Variants in GABRG2 observed in about 807,000 individuals in gnomAD.
GABRG2 encodes the protein gamma-aminobutyric acid type A receptor subunit gamma2.
In GABRG2, 16 loss-of-function variants were observed where a neutral mutation model predicts 56.4. The observed-to-expected ratio is 0.28, with a 90% CI of 0.19 to 0.43. GABRG2 has a LOEUF of 0.43. Among genes scored for constraint, GABRG2 ranks in the 20% least tolerant of loss-of-function variants. The pLI is 1.00. For synonymous variants in GABRG2, 208 were observed against 205.5 expected (o/e 1.01, Z -0.10); for missense variants, 327 against 582.7 (o/e 0.56, Z 4.52).
At chr5:162,126,407 G>A (rs1763343955) in intron 6 of GABRG2, among the ~76,000 whole-genome samples, 1 of 151,980 alleles carries the variant, frequency 6.6e-6, no homozygotes, top group Non-Finnish European at 1.5e-5. Flanking sequence ...TTGTCCTAGA[G>A]TAGTGTGTGA....
chr5:162,070,569 C>T (rs1385396657), intron 1 of GABRG2, among the ~76,000 whole-genome samples: 1 of 151,318 alleles, frequency 6.6e-6, no homozygotes, highest in Non-Finnish European at 1.5e-5. Flanking sequence ...ATTTATGTAA[C>T]TCAAAAGATT....
intron 1 of GABRG2, among the ~76,000 whole-genome samples, chr5:162,074,743 C>A (rs1035282957): frequency 2.6e-5 from 4 of 151,908 alleles, no homozygotes; most frequent in Admixed American, 1.3e-4. Context: ...TGTATAATTT[C>A]TTAATTAATT....
chr5:162,089,774 C>T (rs1056086779), intron 1 of GABRG2, among the ~76,000 whole-genome samples: 2 of 152,024 alleles, frequency 1.3e-5, no homozygotes, highest in African/African-American at 4.8e-5. Context: ...AGACAAATGC[C>T]TTTATTTCTC....
intron 6 of GABRG2, among the ~76,000 whole-genome samples, chr5:162,133,665 A>G (rs1030065103): frequency 2.0e-5 from 3 of 152,144 alleles, no homozygotes; most frequent in African/African-American, 7.2e-5. Context: ...ACTCAGACAA[A>G]TGAATAGCAT....
At chr5:162,140,272 T>C (rs1764458341) in intron 6 of GABRG2, among the ~76,000 whole-genome samples, 1 of 152,232 alleles carries the variant, frequency 6.6e-6, no homozygotes, top group South Asian at 2.1e-4. Flanking sequence ...TCATGATCAC[T>C]ACCTCAGCCA....
chr5:162,116,451 G>C (rs1462510720), intron 6 of GABRG2, among the ~76,000 whole-genome samples: 3 of 121,050 alleles, frequency 2.5e-5, no homozygotes, highest in Non-Finnish European at 5.8e-5. Flanking sequence ...TAGCCAAAAG[G>C]GGAAATAATA....
At chr5:162,134,572 G>A (rs1763982820) in intron 6 of GABRG2, among the ~76,000 whole-genome samples, 1 of 152,138 alleles carries the variant, frequency 6.6e-6, no homozygotes, top group East Asian at 1.9e-4. Context: ...AAAGTTGCCT[G>A]AAATCACACA....
At chr5:162,123,419 C>T (rs890573676) in intron 6 of GABRG2, among the ~76,000 whole-genome samples, 16 of 151,138 alleles carry the variant, frequency 1.1e-4, no homozygotes, top group African/African-American at 3.9e-4. Context: ...ATTGTCATAC[C>T]ACACATCTAT....
At chr5:162,128,545 A>G (rs1763500922) in intron 6 of GABRG2, among the ~76,000 whole-genome samples, 1 of 151,934 alleles carries the variant, frequency 6.6e-6, no homozygotes, top group South Asian at 2.1e-4. Context: ...CTGTTGCTCC[A>G]AACTCAGCTT....
At chr5:162,087,101 A>G (rs1760179629) in intron 1 of GABRG2, among the ~76,000 whole-genome samples, 1 of 152,064 alleles carries the variant, frequency 6.6e-6, no homozygotes, top group Admixed American at 6.6e-5. Context: ...GCAAAGAATA[A>G]AAACAATAAA....
chr5:162,095,550 C>T lies in GABRG2; in HGVS notation c.315C>T (p.Asn105=), dbSNP rs11135176. Reference sequence around the variant, plus strand: ...ATGTGAATAGCATTGGTCCAGTGAACGCTATCAATATGGTGAGTTTCCAAA... The same window carrying T: ...ATGTGAATAGCATTGGTCCAGTGAATGCTATCAATATGGTGAGTTTCCAAA... ...DMYVNSIGPV[N]AINMEYTIDI... Residue 105 remains asparagine (N), a synonymous_variant, in exon 3 of 10, where the codon AAC becomes AAT. Transcript: ENST00000639213. 155,228 of 1,598,584 alleles carry T rather than the reference C, an allele frequency of 0.097. 10,705 individuals carry two copies. Among genetic ancestry groups the T allele is most frequent in the Admixed American group, 0.28 (16,660 of 59,576 alleles).
At chr5:162,091,845 AGCAAT>A (rs1760620722) in intron 1 of GABRG2, among the ~76,000 whole-genome samples, 2 of 152,116 alleles carry the variant, frequency 1.3e-5, no homozygotes, top group African/African-American at 4.8e-5. Flanking sequence ...AAACAAACTA[AGCAAT>A]TTAGTACATA....
At chr5:162,136,104 T>C (rs1764105305) in intron 6 of GABRG2, among the ~76,000 whole-genome samples, 1 of 152,182 alleles carries the variant, frequency 6.6e-6, no homozygotes, top group Non-Finnish European at 1.5e-5. Context: ...ATAAATCATA[T>C]GGCTGAGCTA....
chr5:162,131,844 G>GTTTTTATAAATT (rs1763779018), intron 6 of GABRG2, among the ~76,000 whole-genome samples: 1 of 148,122 alleles, frequency 6.8e-6, no homozygotes, highest in Admixed American at 7.0e-5. Context: ...GGTAAGCCTT[G>GTTTTTATAAATT]GATTTAGGGT....
intron 6 of GABRG2, among the ~76,000 whole-genome samples, chr5:162,117,902 C>A (rs1256434027): frequency 6.6e-6 from 1 of 152,062 alleles, no homozygotes; most frequent in Non-Finnish European, 1.5e-5. Flanking sequence ...GATGATGACG[C>A]AGATGCTAAA....
chr5:162,099,438 A>T (rs1313899150), intron 4 of GABRG2: 2 of 151,740 alleles, frequency 1.3e-5, no homozygotes, highest in Non-Finnish European at 2.9e-5. Context: ...CCTGCTAAGA[A>T]TTTTTTTGTA....
At chr5:162,122,844 G>A (rs1763066372) in intron 6 of GABRG2, among the ~76,000 whole-genome samples, 1 of 151,416 alleles carries the variant, frequency 6.6e-6, no homozygotes, top group Non-Finnish European at 1.5e-5. Flanking sequence ...CAAAGACTTT[G>A]TAAAGCAAAT....
At chr5:162,142,544 A>G in intron 7 of GABRG2, 1 of 458,532 alleles carries the variant, frequency 2.2e-6, no homozygotes, top group East Asian at 4.7e-5. Context: ...TGTGGCACAT[A>G]TACACCATGG....
At position 162,080,652 on chromosome 5, in the gene GABRG2, T is replaced by C. The variant is rs1303520971; in HGVS notation, c.107+12546T>C. Among the ~76,000 whole-genome samples, 7 of 152,146 alleles carry C rather than the reference T, an allele frequency of 4.6e-5. No homozygotes were observed. In the East Asian group the frequency reaches 1.4e-3, roughly 29 times the overall value. The stretch of plus-strand genomic sequence containing the variant: ...ACTTCATATACTAATACCATCAGTT[T>C]CATTCTTAGGGAAAAGTGTACCTAT... On this transcript the variant is annotated intron_variant, in intron 1 of 9. Coordinates refer to ENST00000639213, the MANE Select transcript of GABRG2 (RefSeq NM_198904.4).
Sources: allele counts gnomAD v4.1 joint callset (sites outside exome capture counted in the v4.1 genomes callset), GRCh38; gene constraint gnomAD v4.1.1; transcripts MANE v1.5; gene names NCBI Gene and HGNC (gene_info 2026-07-23, HGNC 2026-07-21).